The following HNRNPUL1 variants were observed in gnomAD, a reference collection of about 807,000 sequenced individuals.
HNRNPUL1 encodes the protein heterogeneous nuclear ribonucleoprotein U-like protein 1.
A neutral mutation model predicts 108.5 loss-of-function variants in HNRNPUL1; 14 were observed. The ratio of observed to expected loss-of-function variants is 0.13; its 90% CI spans 0.09 to 0.20. The LOEUF is 0.20. Ranked by LOEUF, HNRNPUL1 falls within the 10% of genes least tolerant of loss-of-function variation. The pLI is 1.00. For missense variants in HNRNPUL1, 804 were observed against 1,168.3 expected (o/e 0.69, Z 4.55); for synonymous variants, 422 against 445.2 (o/e 0.95, Z 0.66).
chr19:41,305,677 C>T lies in HNRNPUL1; in HGVS notation c.2264C>T (p.Pro755Leu), dbSNP rs752165954. ...GGCTTTTTTCCCTCCACTTTCCAGC[C>T]GAGTTACAGCCAGCCACCCTACAAC... ...PTVSSYSPPQ[P>L]SYSQPPYNQG... The change falls in exon 14 of 15, where the codon CCG (proline) becomes CTG (leucine). Residue 755 changes from proline (P) to leucine (L), a missense_variant and splice_region_variant. By Grantham distance (98) the Pro-to-Leu change is moderately conservative. Transcript: ENST00000392006. The T allele has an allele frequency of 1.5e-5, 24 of 1,613,984 alleles. 1 individual carries two copies. Among genetic ancestry groups the T allele is most frequent in the East Asian group, 6.7e-5 (3 of 44,900 alleles).
rs1599752768 is a variant in HNRNPUL1, at chr19:41,264,483, GC to G, written c.-19del. 2 of 1,347,622 alleles carry G rather than the reference GC, an allele frequency of 1.5e-6. No homozygotes were observed. Among genetic ancestry groups the G allele is most frequent in the Non-Finnish European group, 1.9e-6 (2 of 1,048,962 alleles). The allele number at this position is 1,347,622 out of a possible 1,614,324, so 83.5% of individuals were successfully genotyped here. On this transcript the variant is annotated 5_prime_UTR_variant, in exon 1 of 15. Transcript: ENST00000392006. ...CTGGGAGGCCGGGCCGGGCTCGGGG[GC>G]CACCCCGGGGGCCCGGGCCATGGAT...
In HNRNPUL1 at chr19:41,279,113, A is replaced by G. The variant is rs755098689; in HGVS notation, c.823A>G (p.Thr275Ala). ...EEISVKHLPS[T>A]EPDPHVVRIG... Reference sequence around the variant, plus strand: ...AATCTCCGTGAAGCACCTTCCGTCTACAGAGCCTGACCCCCACGTGGTCCG... The same window carrying G: ...AATCTCCGTGAAGCACCTTCCGTCTGCAGAGCCTGACCCCCACGTGGTCCG... Residue 275 changes from threonine (T) to alanine (A), a missense_variant, in exon 6 of 15, where the codon ACA (threonine) becomes GCA (alanine). Physicochemically the swap from Thr to Ala is moderately conservative, Grantham distance 58. Around this residue, in one of 4 missense-constraint regions of HNRNPUL1, gnomAD observed 174 missense variants for 296.6 expected, o/e 0.59. Transcript: ENST00000392006. 5.6e-6 allele frequency: 9 copies of G among 1,613,912 alleles called. No homozygotes were observed. The South Asian group carries it at 9.9e-5, about 18-fold the overall frequency.
chr19:41,306,263 C>T (rs2037540409), intron 14 of HNRNPUL1, among the ~76,000 whole-genome samples, 186 bp from the exon 15 acceptor site: 1 of 152,222 alleles, frequency 6.6e-6, no homozygotes, highest in East Asian at 1.9e-4. Flanking sequence ...ACCTGGGCTT[C>T]AGTCCCTAAC....
chr19:41,271,741 C>G (rs150689298), intron 2 of HNRNPUL1, among the ~76,000 whole-genome samples: 17 of 152,202 alleles, frequency 1.1e-4, no homozygotes, highest in African/African-American at 3.6e-4. Flanking sequence ...AACTAAAGCC[C>G]GTAGAGTTAG....
chr19:41,277,121 A>C (rs2035611894), intron 5 of HNRNPUL1, among the ~76,000 whole-genome samples: 1 of 151,878 alleles, frequency 6.6e-6, no homozygotes, highest in African/African-American at 2.4e-5. Flanking sequence ...AAAAAACAAA[A>C]ACAAAAAAAA....
At chr19:41,279,610 G>T (rs1218220666) in intron 6 of HNRNPUL1, among the ~76,000 whole-genome samples, 3 of 152,150 alleles carry the variant, frequency 2.0e-5, no homozygotes, top group Non-Finnish European at 4.4e-5. Flanking sequence ...AGAGGGGCAG[G>T]GGCTGCCTAT....
intron 1 of HNRNPUL1, 91 bp from the exon 2 acceptor site, chr19:41,268,132 C>T: frequency 7.9e-7 from 1 of 1,272,696 alleles, no homozygotes; most frequent in East Asian, 2.4e-5. Context: ...CTTAGTTGAG[C>T]TCCTGGACCT....
chr19:41,264,473 G>A lies in HNRNPUL1; in HGVS notation c.-31G>A. ...GGACAGAGCCCTGGGAGGCCGGGCC[G>A]GGCTCGGGGGCCACCCCGGGGGCCC... On this transcript the variant is annotated 5_prime_UTR_variant, in exon 1 of 15. Coordinates refer to ENST00000392006, the MANE Select transcript of HNRNPUL1 (RefSeq NM_007040.6). 7.5e-7 allele frequency: 1 copy of A among 1,340,408 alleles called. No individual in the cohort carries two copies. Among genetic ancestry groups the A allele is most frequent in the Non-Finnish European group, 9.6e-7 (1 of 1,045,324 alleles). The allele number at this position is 1,340,408 out of a possible 1,614,324, so 83.0% of individuals were successfully genotyped here. A position where few individuals can be genotyped will look rare whatever the true frequency, so the allele number is the denominator to read the frequency against.
rs1020902377 is a variant in HNRNPUL1 at position 41,294,779 on chromosome 19, G to A, written c.1518+93G>A. ...CTCTGGTCCCTTTCTTTTTTCCCCC[G>A]TAATGATGATGGACTGCTGTGCTAG... On this transcript the variant is annotated intron_variant, in intron 10 of 14. Coordinates refer to ENST00000392006, the MANE Select transcript of HNRNPUL1 (RefSeq NM_007040.6). This position sits in a 1 kb window ranked among gnomAD's most constrained non-coding sequence, Gnocchi z 4.3. 4.6e-5 allele frequency: 68 copies of A among 1,476,646 alleles called. No homozygotes were observed. The highest frequency in any genetic ancestry group is 8.3e-5 in the African/African-American group (6 of 72,292). The allele number at this position is 1,476,646 out of a possible 1,614,324, so 91.5% of individuals were successfully genotyped here.
At chr19:41,301,761 C>T (rs2122952407) in intron 11 of HNRNPUL1, 57 bp downstream of exon 11, 1 of 1,461,936 alleles carries the variant, frequency 6.8e-7, no homozygotes, top group Non-Finnish European at 9.2e-7. Flanking sequence ...AGAGAAGAAG[C>T]TCTTTACTCA....
intron 14 of HNRNPUL1, 39 bp from the exon 15 acceptor site, chr19:41,306,410 G>C: frequency 7.0e-7 from 1 of 1,419,328 alleles, no homozygotes; most frequent in South Asian, 1.3e-5. Flanking sequence ...ATGTGTGGTG[G>C]ATGCAGGACA....
At chr19:41,305,611 G>A (rs1449717563) in intron 13 of HNRNPUL1, 65 bp from the exon 14 acceptor site, 1 of 1,599,754 alleles carries the variant, frequency 6.3e-7, no homozygotes, top group East Asian at 2.2e-5. Flanking sequence ...TTCCATCCCA[G>A]CATTTCACAT....
intron 13 of HNRNPUL1, among the ~76,000 whole-genome samples, chr19:41,305,288 C>A (rs1241640941): frequency 6.6e-6 from 1 of 152,214 alleles, no homozygotes; most frequent in Non-Finnish European, 1.5e-5. Context: ...TAACAACTAC[C>A]ACCACCTGTT....
intron 7 of HNRNPUL1, among the ~76,000 whole-genome samples, chr19:41,287,119 G>T (rs1386449774): frequency 6.6e-6 from 1 of 151,966 alleles, no homozygotes; most frequent in Non-Finnish European, 1.5e-5. Flanking sequence ...AGGTTCAAGT[G>T]ATTTTTTTGC....
At chr19:41,280,263 C>T (rs909189267) in intron 6 of HNRNPUL1, among the ~76,000 whole-genome samples, 1 of 152,044 alleles carries the variant, frequency 6.6e-6, no homozygotes, top group South Asian at 2.1e-4. Flanking sequence ...TTAATGGGTA[C>T]GATGTACATT....
rs1287896112 is a variant in HNRNPUL1, at chr19:41,292,370, G to A, written c.1125G>A (p.Lys375=). The change falls in exon 8 of 15, where the codon AAG becomes AAA. Residue 375 remains lysine (K), a synonymous_variant. Coordinates refer to ENST00000392006, the MANE Select transcript of HNRNPUL1 (RefSeq NM_007040.6). This position sits in a 1 kb window ranked among gnomAD's most constrained non-coding sequence, Gnocchi z 4.1. ...GQALYPHVLV[K]NCAVEFNFGQ... ...CCCTCTATCCTCATGTCCTGGTGAA[G>A]AATTGCGCAGTGGAGTTCAACTTCG... is the stretch of plus-strand genomic sequence containing the variant. The A allele has an allele frequency of 6.2e-7, 1 of 1,614,116 alleles. No homozygotes were observed. The highest frequency in any genetic ancestry group is 8.5e-7 in the Non-Finnish European group (1 of 1,180,054).
At chr19:41,285,245 G>A (rs1233923560) in intron 7 of HNRNPUL1, among the ~76,000 whole-genome samples, 5 of 152,044 alleles carry the variant, frequency 3.3e-5, no homozygotes, top group Admixed American at 1.3e-4. Context: ...TTGAAGAGAA[G>A]GGATATCTGC....
Position 41,279,096 on chromosome 19 carries a change from T to C in HNRNPUL1, c.806T>C (p.Val269Ala). 6.2e-7 allele frequency: 1 copy of C among 1,614,052 alleles called. No homozygotes were observed. Among genetic ancestry groups the C allele is most frequent in the South Asian group, 1.1e-5 (1 of 91,076 alleles). The change falls in exon 6 of 15, where the codon GTG becomes GCG. Residue 269 changes from valine to alanine, a missense_variant. By Grantham distance (64) the Val-to-Ala change is moderately conservative. Coordinates refer to ENST00000392006, the MANE Select transcript of HNRNPUL1 (RefSeq NM_007040.6). ...FEMKINEEIS[V>A]KHLPSTEPDP... is the part of the protein sequence containing the mutation. ...CCTCAGATCAATGAGGAAATCTCCGTGAAGCACCTTCCGTCTACAGAGCCT... is the reference window on the plus strand; with the variant it reads ...CCTCAGATCAATGAGGAAATCTCCGCGAAGCACCTTCCGTCTACAGAGCCT...
At chr19:41,290,766 G>T (rs1204883251) in intron 7 of HNRNPUL1, among the ~76,000 whole-genome samples, 1 of 152,114 alleles carries the variant, frequency 6.6e-6, no homozygotes, top group East Asian at 1.9e-4. Context: ...CTTCTAAAAT[G>T]GGATCATAGG....
Sources: allele counts gnomAD v4.1 joint callset (sites outside exome capture counted in the v4.1 genomes callset), GRCh38; gene constraint gnomAD v4.1.1; regional missense constraint gnomAD v4.1.1; non-coding constraint Gnocchi (gnomAD v3.1); transcripts MANE v1.5; gene names NCBI Gene and HGNC (gene_info 2026-07-23, HGNC 2026-07-21).